MAP2K6: variants seen among roughly 807,000 people sequenced by gnomAD.
MAP2K6 encodes the protein dual specificity mitogen-activated protein kinase kinase 6.
MAP2K6 carries 16 observed loss-of-function variants against 53.7 expected under a neutral mutation model. That is an observed-to-expected ratio of 0.30 (90% confidence interval 0.20 to 0.45). MAP2K6 has a LOEUF of 0.45. Ranked by LOEUF, MAP2K6 falls within the 20% of genes least tolerant of loss-of-function variation. MAP2K6 has a pLI of 1.00. For missense variants in MAP2K6, 204 were observed against 411.9 expected (o/e 0.50, Z 4.37); for synonymous variants, 132 against 143.1 (o/e 0.92, Z 0.55).
intron 1 of MAP2K6, among the ~76,000 whole-genome samples, chr17:69,437,450 A>C (rs1000981487): frequency 1.3e-5 from 2 of 152,174 alleles, no homozygotes; most frequent in Admixed American, 1.3e-4. Context: ...AGAGGAAGGC[A>C]GGAGAGGCAG....
At chr17:69,456,650 A>AT (rs901307059) in intron 1 of MAP2K6, among the ~76,000 whole-genome samples, 18 of 151,794 alleles carry the variant, frequency 1.2e-4, no homozygotes, top group Non-Finnish European at 1.5e-4. Flanking sequence ...GCCCTAAGTG[A>AT]TTTTTCCCCA....
chr17:69,508,077 G>GTTTTT (rs35028767), intron 2 of MAP2K6, among the ~76,000 whole-genome samples: 1 of 101,644 alleles, frequency 9.8e-6, no homozygotes, highest in Non-Finnish European at 1.9e-5. Context: ...TTGAGACGGA[G>GTTTTT]TTTCGCTCTT....
intron 10 of MAP2K6, among the ~76,000 whole-genome samples, chr17:69,528,024 G>A (rs375517728): frequency 6.2e-5 from 9 of 145,748 alleles, no homozygotes; most frequent in Admixed American, 1.4e-4. Context: ...CAGGAGAACC[G>A]CTTGAACCTG....
chr17:69,499,210 C>T (rs540190688), intron 1 of MAP2K6, among the ~76,000 whole-genome samples: 16 of 152,146 alleles, frequency 1.1e-4, no homozygotes, highest in South Asian at 2.1e-4. Context: ...GTAAATAACA[C>T]GAAAGAGGGA....
chr17:69,514,570 T>G (rs1416302612), intron 2 of MAP2K6, among the ~76,000 whole-genome samples: 1 of 152,196 alleles, frequency 6.6e-6, no homozygotes, highest in Non-Finnish European at 1.5e-5. Flanking sequence ...TTTTTTTGTT[T>G]TGTTTTTTGA....
At chr17:69,433,513 G>C (rs950059654) in intron 1 of MAP2K6, 1 of 152,232 alleles carries the variant, frequency 6.6e-6, no homozygotes, top group African/African-American at 2.4e-5. Context: ...GATTGAGTGG[G>C]TCTGTTCAAT....
chr17:69,423,983 C>T (rs1906180208), intron 1 of MAP2K6, among the ~76,000 whole-genome samples: 1 of 152,170 alleles, frequency 6.6e-6, no homozygotes, highest in Non-Finnish European at 1.5e-5. Context: ...CCACCATTGC[C>T]TGGCTTGTTG....
At chr17:69,536,273 C>T in intron 11 of MAP2K6, 113 bp downstream of exon 11, 1 of 754,326 alleles carries the variant, frequency 1.3e-6, no homozygotes, top group Non-Finnish European at 2.3e-6. Context: ...TTCATTGATA[C>T]ATCAGTGACA....
At chr17:69,456,223 T>C (rs1002619909) in intron 1 of MAP2K6, among the ~76,000 whole-genome samples, 2 of 152,110 alleles carry the variant, frequency 1.3e-5, no homozygotes, top group African/African-American at 4.8e-5. Context: ...ATCATCCTGT[T>C]TAGTGGACCT....
intron 2 of MAP2K6, among the ~76,000 whole-genome samples, chr17:69,510,605 T>C (rs891810596): frequency 5.3e-5 from 8 of 152,162 alleles, no homozygotes; most frequent in African/African-American, 1.9e-4. Flanking sequence ...TTTCTGGGAC[T>C]TTTTAATCAC....
intron 1 of MAP2K6, among the ~76,000 whole-genome samples, chr17:69,424,389 G>A (rs1053415167): frequency 6.6e-6 from 1 of 152,200 alleles, no homozygotes; most frequent in Admixed American, 6.5e-5. Flanking sequence ...TCACTGCTGT[G>A]ATTCTTTCTG....
chr17:69,485,089 G>GTAAA, intron 1 of MAP2K6: 1 of 152,266 alleles, frequency 6.6e-6, no homozygotes, highest in South Asian at 2.1e-4. Context: ...TGTTAAATAA[G>GTAAA]TGAATAGGTA....
intron 1 of MAP2K6, among the ~76,000 whole-genome samples, chr17:69,430,069 G>GT (rs797001680): frequency 2.6e-4 from 39 of 152,348 alleles, no homozygotes; most frequent in African/African-American, 9.1e-4. Context: ...GCTCATGCCT[G>GT]TAATCCCAGC....
intron 1 of MAP2K6, among the ~76,000 whole-genome samples, chr17:69,483,097 G>T (rs905806556): frequency 3.3e-5 from 5 of 151,746 alleles, no homozygotes; most frequent in African/African-American, 4.8e-5. Context: ...ACATTGTACT[G>T]CTAGACAAGA....
rs149312985 is a variant in MAP2K6, at chr17:69,517,556, G to A, written c.189G>A (p.Ala63=). 23 of 1,610,772 alleles carry A rather than the reference G, an allele frequency of 1.4e-5. No individual in the cohort carries two copies. The East Asian group carries it at 2.2e-4, about 16-fold the overall frequency. Residue 63 remains alanine, a synonymous_variant, in exon 4 of 12, where the codon GCG becomes GCA. Transcript: ENST00000590474. ...LEPIMELGRG[A]YGVVEKMRHV... ...CTATAATGGAACTGGGACGAGGTGC[G>A]TACGGGGTGGTGGAGAAGATGCGGC...
At chr17:69,472,007 T>A (rs1907997850) in intron 1 of MAP2K6, among the ~76,000 whole-genome samples, 2 of 152,326 alleles carry the variant, frequency 1.3e-5, no homozygotes, top group South Asian at 4.1e-4. Flanking sequence ...GAGAAAGTAG[T>A]CTGATACCAC....
intron 1 of MAP2K6, among the ~76,000 whole-genome samples, chr17:69,463,394 A>C (rs576934395): frequency 1.4e-3 from 205 of 149,012 alleles, no homozygotes; most frequent in African/African-American, 4.9e-3. Flanking sequence ...TGTATCTATA[A>C]TTATATGTAT....
At chr17:69,512,261 C>T (rs1365990878) in intron 2 of MAP2K6, among the ~76,000 whole-genome samples, 1 of 148,224 alleles carries the variant, frequency 6.7e-6, no homozygotes, top group East Asian at 2.0e-4. Flanking sequence ...GTATCCTTTA[C>T]AGCATACTGT....
chr17:69,438,344 G>A (rs1906713017), intron 1 of MAP2K6, among the ~76,000 whole-genome samples: 1 of 152,122 alleles, frequency 6.6e-6, no homozygotes, highest in Non-Finnish European at 1.5e-5. Context: ...CTTTCTATCA[G>A]GCCTTCTGCT....
Sources: gnomAD v4.1 joint callset for allele counts (sites outside exome capture counted in the v4.1 genomes callset) on GRCh38, gnomAD v4.1.1 for gene constraint, MANE v1.5 for transcripts, NCBI Gene and HGNC (gene_info 2026-07-23, HGNC 2026-07-21) for gene names.